The following SLC2A10 variants were observed in gnomAD, a reference collection of about 807,000 sequenced individuals.
SLC2A10 encodes the protein solute carrier family 2, facilitated glucose transporter member 10.
A neutral mutation model predicts 32.1 loss-of-function variants in SLC2A10; 25 were observed. That is an observed-to-expected ratio of 0.78 (90% CI 0.57 to 1.09). The LOEUF is 1.09. SLC2A10 is among the 50% of genes least tolerant of loss of function. The probability of loss-of-function intolerance (pLI) is 0.00; values close to 1 mark genes in which losing one functional copy is unlikely to be tolerated. For synonymous variants in SLC2A10, 332 were observed against 309.6 expected (o/e 1.07, Z -0.76); for missense variants, 673 against 686.5 (o/e 0.98, Z 0.22).
At chr20:46,719,459 A>C (rs1328137878) in intron 1 of SLC2A10, among the ~76,000 whole-genome samples, 1 of 152,202 alleles carries the variant, frequency 6.6e-6, no homozygotes, top group Non-Finnish European at 1.5e-5. Context: ...AGGCCTCAAA[A>C]TCATGGTGGA....
rs1323906948 is a variant in SLC2A10 at position 46,734,293 on chromosome 20, CA to C, written c.*460del. 2 of 178,258 alleles carry C rather than the reference CA, an allele frequency of 1.1e-5. No homozygotes were observed. Among genetic ancestry groups the C allele is most frequent in the East Asian group, 2.3e-4 (1 of 4,390 alleles). The allele number at this position is 178,258 out of a possible 1,614,324, so 11.0% of individuals were successfully genotyped here. ...GGGAAGTCTCTTTTTTTACTCTTATCATTTTTTTTTTTTGAGGTGGAGTCTC... is the reference window on the plus strand; with the variant it reads ...GGGAAGTCTCTTTTTTTACTCTTATCTTTTTTTTTTTTGAGGTGGAGTCTC... On this transcript the variant is annotated 3_prime_UTR_variant, in exon 5 of 5. Coordinates refer to ENST00000359271, the MANE Select transcript of SLC2A10 (RefSeq NM_030777.4).
At position 46,722,133 on chromosome 20, in the gene SLC2A10, A is replaced by T. The variant is rs201565301; in HGVS notation, c.5-2908A>T. Among the ~76,000 whole-genome samples the T allele has an allele frequency of 4.1e-4, 32 of 78,376 alleles. No individual in the cohort carries two copies. The Admixed American group carries it at 5.1e-3, about 13-fold the overall frequency. 51.4% of individuals were successfully genotyped at this position (78,376 alleles called of 152,430 possible). A position where few individuals can be genotyped will look rare whatever the true frequency, so the allele number is the denominator to read the frequency against. ...AAATCTGGATTTATGGTTTCTCTTT[A>T]AAAAAAAAACCAGATCTGGCAGTTC... is the stretch of plus-strand genomic sequence containing the variant. On this transcript the variant is annotated intron_variant, in intron 1 of 4. Transcript: ENST00000359271.
intron 1 of SLC2A10, 40 bp downstream of exon 1, chr20:46,709,780 C>G: frequency 1.9e-6 from 3 of 1,546,834 alleles, no homozygotes; most frequent in Non-Finnish European, 2.6e-6. Context: ...AAGCCCGACC[C>G]CTTCCCAGGG....
At chr20:46,723,286 CA>C (rs1006777874) in intron 1 of SLC2A10, among the ~76,000 whole-genome samples, 43 of 152,090 alleles carry the variant, frequency 2.8e-4, no homozygotes, top group African/African-American at 9.9e-4. Context: ...GAAAAAAGGG[CA>C]AAAAAGATCT....
chr20:46,722,603 T>C (rs1222880823), intron 1 of SLC2A10, among the ~76,000 whole-genome samples: 1 of 152,194 alleles, frequency 6.6e-6, no homozygotes, highest in East Asian at 1.9e-4. Flanking sequence ...ATCATCATGG[T>C]GGTTTCACTT....
intron 1 of SLC2A10, chr20:46,714,660 G>T: frequency 6.5e-6 from 1 of 153,072 alleles, no homozygotes; most frequent in Non-Finnish European, 1.5e-5. Context: ...AAGGTGTGTG[G>T]GGCGGGGCTG....
chr20:46,712,230 A>T (rs900035490), intron 1 of SLC2A10, among the ~76,000 whole-genome samples: 45 of 152,134 alleles, frequency 3.0e-4, no homozygotes, highest in African/African-American at 1.1e-3. Flanking sequence ...CTGCAAGAGG[A>T]TATTCATACA....
At chr20:46,729,059 C>T (rs1358929237) in intron 3 of SLC2A10, among the ~76,000 whole-genome samples, 1 of 152,288 alleles carries the variant, frequency 6.6e-6, no homozygotes, top group Non-Finnish European at 1.5e-5. Context: ...GCGTGCTCCA[C>T]GGGATAGTGC....
chr20:46,720,437 C>G (rs1001770454), intron 1 of SLC2A10, among the ~76,000 whole-genome samples: 1 of 152,196 alleles, frequency 6.6e-6, no homozygotes, highest in Admixed American at 6.5e-5. Context: ...ACACTAATTT[C>G]TTTGGATTTA....
intron 4 of SLC2A10, 137 bp downstream of exon 4, chr20:46,729,625 GTTTTTTTTTTTTTTTTTTTTTTT>G (rs68037732): frequency 2.2e-5 from 7 of 318,310 alleles, no homozygotes; most frequent in African/African-American, 1.2e-4. Context: ...GGCACTATGA[GTTTTTTTTTTTTTTTTTTTTTTT>G]TTTTTTTTTT....
intron 1 of SLC2A10, among the ~76,000 whole-genome samples, chr20:46,724,749 A>T (rs1979758374): frequency 6.7e-6 from 1 of 149,990 alleles, no homozygotes; most frequent in South Asian, 2.2e-4. Context: ...GAGTAGATGG[A>T]TGGAGGATGA....
chr20:46,709,688 C>T lies in SLC2A10; in HGVS notation c.-49C>T, dbSNP rs1051736623. 9.8e-6 allele frequency: 15 copies of T among 1,534,026 alleles called. No individual in the cohort carries two copies. In the East Asian group the frequency reaches 1.0e-4, roughly 10 times the overall value. ...GCGTTGGGGACTCCGGCGGGGGATG[C>T]GCGCCCGGCCCCTCAGCGCCCCCAG... On this transcript the variant is annotated 5_prime_UTR_variant, in exon 1 of 5. Transcript: ENST00000359271.
chr20:46,712,592 TCTC>T (rs1978981166), intron 1 of SLC2A10, among the ~76,000 whole-genome samples: 1 of 151,992 alleles, frequency 6.6e-6, no homozygotes, highest in African/African-American at 2.4e-5. Context: ...CTTAATGTGT[TCTC>T]CTTAATTTTC....
Position 46,725,390 on chromosome 20 carries a change from T to G in SLC2A10, c.354T>G (p.Ala118=), listed in dbSNP as rs2123044063. ...VGFAISLSSM[A]CCIYVSELVG... ...TCGCCATTTCCCTCTCCTCCATGGCTTGCTGTATCTACGTGTCAGAGCTGG... is the reference window on the plus strand; with the variant it reads ...TCGCCATTTCCCTCTCCTCCATGGCGTGCTGTATCTACGTGTCAGAGCTGG... The change falls in exon 2 of 5, where the codon GCT becomes GCG. Residue 118 remains alanine (A), a synonymous_variant. Transcript: ENST00000359271. 2 of 1,614,192 alleles carry G rather than the reference T, an allele frequency of 1.2e-6. No individual in the cohort carries two copies. Among genetic ancestry groups the G allele is most frequent in the Non-Finnish European group, 1.7e-6 (2 of 1,180,028 alleles).
In SLC2A10 at chr20:46,709,716, C is replaced by A. The variant is rs763756054; in HGVS notation, c.-21C>A. ...GCCCGGCCCCTCAGCGCCCCCAGCA[C>A]GCCGCCGAGTCCCGCTCGCCATGGG... On this transcript the variant is annotated 5_prime_UTR_variant, in exon 1 of 5. Transcript: ENST00000359271. The A allele has an allele frequency of 3.9e-6, 6 of 1,542,488 alleles. No individual in the cohort carries two copies. The highest frequency in any genetic ancestry group is 1.2e-5 in the South Asian group (1 of 83,372).
chr20:46,723,017 A>G (rs1979644052), intron 1 of SLC2A10, among the ~76,000 whole-genome samples: 1 of 152,238 alleles, frequency 6.6e-6, no homozygotes, highest in South Asian at 2.1e-4. Context: ...CTAGGAATAG[A>G]AACTGGAAAT....
chr20:46,726,400 T>C, intron 2 of SLC2A10, 76 bp downstream of exon 2: 1 of 1,562,056 alleles, frequency 6.4e-7, no homozygotes, highest in Non-Finnish European at 8.6e-7. Flanking sequence ...CTTCCCACCC[T>C]GATGACCTGG....
intron 4 of SLC2A10, among the ~76,000 whole-genome samples, chr20:46,731,465 T>C (rs1980294792): frequency 6.6e-6 from 1 of 152,152 alleles, no homozygotes; most frequent in Non-Finnish European, 1.5e-5. Flanking sequence ...GCCACACTGG[T>C]TTTCTTGGGA....
At chr20:46,710,354 G>T in intron 1 of SLC2A10, 1 of 290,468 alleles carries the variant, frequency 3.4e-6, no homozygotes, top group Non-Finnish European at 6.3e-6. Context: ...ATTCTTGAGT[G>T]AGCACCTACT....
Sources: allele counts gnomAD v4.1 joint callset (sites outside exome capture counted in the v4.1 genomes callset), GRCh38; gene constraint gnomAD v4.1.1; transcripts MANE v1.5; gene names NCBI Gene and HGNC (gene_info 2026-07-23, HGNC 2026-07-21).